The following EHD1 variants were observed in gnomAD, a reference collection of about 807,000 sequenced individuals.
EHD1 encodes EH domain-containing protein 1.
EHD1 carries 19 observed loss-of-function variants against 39.0 expected under a neutral mutation model. The ratio of observed to expected loss-of-function variants is 0.49; its 90% CI spans 0.34 to 0.72. EHD1 has a LOEUF of 0.72. EHD1 is among the 30% of genes least tolerant of loss of function. The pLI is 0.01. For missense variants in EHD1, 542 were observed against 751.5 expected, an observed-to-expected ratio of 0.72 and a Z score of 3.26; for synonymous variants, 323 against 331.2, an observed-to-expected ratio of 0.98 and a Z score of 0.27.
At chr11:64,855,044 C>T in intron 4 of EHD1, 187 bp from the exon 5 acceptor site, 1 of 868,730 alleles carries the variant, frequency 1.2e-6, no homozygotes, top group Admixed American at 2.8e-5. Context: ...CAGCTCTTTC[C>T]TTGCAGGGCT....
chr11:64,859,711 T>TAGAGGGAGGCCGGGTAG, intron 3 of EHD1: 2 of 663,958 alleles, frequency 3.0e-6, no homozygotes, highest in South Asian at 4.4e-5. Context: ...AGAACAGGTT[T>TAGAGGGAGGCCGGGTAG]AGAGGGAGGC....
chr11:64,878,533 C>T lies in EHD1; in HGVS notation c.-69G>A, dbSNP rs767737526. ...TGAGAGCGGGGCGAGGGTGCGGAGC[C>T]GAGGCGGGGCCGGCCGGGGCAGGGA... On this transcript the variant is annotated 5_prime_UTR_variant, in exon 1 of 5. Transcript: ENST00000320631. 2 of 1,497,432 alleles carry T rather than the reference C, an allele frequency of 1.3e-6. No homozygotes were observed. Among genetic ancestry groups the T allele is most frequent in the Non-Finnish European group, 8.9e-7 (1 of 1,127,764 alleles). The allele number at this position is 1,497,432 out of a possible 1,614,324, so 92.8% of individuals were successfully genotyped here. A position where few individuals can be genotyped will look rare whatever the true frequency, so the allele number is the denominator to read the frequency against.
At chr11:64,854,974 G>C in intron 4 of EHD1, 117 bp from the exon 5 acceptor site, 3 of 1,329,260 alleles carry the variant, frequency 2.3e-6, no homozygotes, top group Non-Finnish European at 3.1e-6. Context: ...ACACTAGCAG[G>C]GGCGACTCGG....
chr11:64,878,707 GGGGGCGGTAGGGAGGAGCCCCTCCC>G, upstream of EHD1: 1 of 1,348,958 alleles, frequency 7.4e-7, no homozygotes, highest in Non-Finnish European at 9.5e-7. Flanking sequence ...GGGCGGAATT[GGGGGCGGTAGGGAGGAGCCCCTCCC>G]AGCCCCGCCC....
At chr11:64,864,833 C>T (rs949929146) in intron 2 of EHD1, among the ~76,000 whole-genome samples, 1 of 152,136 alleles carries the variant, frequency 6.6e-6, no homozygotes, top group Non-Finnish European at 1.5e-5. Context: ...GTCAGGACGG[C>T]GCCTGGGGAG....
Position 64,868,383 on chromosome 11 carries a change from G to A in EHD1, c.502+6038C>T, listed in dbSNP as rs143079153. 3.8e-3 allele frequency among the ~76,000 whole-genome samples: 573 copies of A among 152,188 alleles called. 2 individuals carry two copies. The highest frequency in any genetic ancestry group is 0.013 in the African/African-American group (551 of 41,516). On this transcript the variant is annotated intron_variant, in intron 2 of 4. Transcript: ENST00000320631. This position sits in a 1 kb window ranked among gnomAD's most constrained non-coding sequence, Gnocchi z 4.2. ...GAGCAGCAGCAGCACACGCCCACAC[G>A]AACCACGTACTTGACTCAAAACTGC...
At chr11:64,860,565 T>C (rs1943704784) in intron 2 of EHD1, among the ~76,000 whole-genome samples, 2 of 151,412 alleles carry the variant, frequency 1.3e-5, no homozygotes, top group Non-Finnish European at 2.9e-5. Context: ...AAACCCTGTC[T>C]CCACTAAAAA....
intron 2 of EHD1, among the ~76,000 whole-genome samples, chr11:64,873,112 G>C (rs1008920439): frequency 6.6e-6 from 1 of 152,172 alleles, no homozygotes; most frequent in Non-Finnish European, 1.5e-5. Flanking sequence ...GTGAAAAAGG[G>C]GCAGTGACAG....
At position 64,878,521 on chromosome 11, in the gene EHD1, A is replaced by G; in HGVS notation, c.-57T>C. On this transcript the variant is annotated 5_prime_UTR_variant, in exon 1 of 5. Coordinates refer to ENST00000320631, the MANE Select transcript of EHD1 (RefSeq NM_006795.4). ...CAGAGCGGCGGCTGAGAGCGGGGCG[A>G]GGGTGCGGAGCCGAGGCGGGGCCGG... is the stretch of plus-strand genomic sequence containing the variant. 6.5e-7 allele frequency: 1 copy of G among 1,529,204 alleles called. No homozygotes were observed. Among genetic ancestry groups the G allele is most frequent in the African/African-American group, 1.4e-5 (1 of 73,550 alleles). 94.7% of individuals were successfully genotyped at this position (1,529,204 alleles called of 1,614,324 possible).
chr11:64,864,991 G>A (rs1230669971), intron 2 of EHD1, among the ~76,000 whole-genome samples: 1 of 152,262 alleles, frequency 6.6e-6, no homozygotes, highest in Non-Finnish European at 1.5e-5. Flanking sequence ...AGGTCCAGAA[G>A]CCCTGCCCCA....
intron 2 of EHD1, among the ~76,000 whole-genome samples, chr11:64,864,554 C>A (rs1331141765): frequency 6.6e-6 from 1 of 152,214 alleles, no homozygotes; most frequent in Non-Finnish European, 1.5e-5. Context: ...GCCTGCAGCG[C>A]CTGCCTGGGG....
chr11:64,878,659 G>T (rs943717005), upstream of EHD1: 1 of 1,375,460 alleles, frequency 7.3e-7, no homozygotes, highest in African/African-American at 1.5e-5. Context: ...TATAGGGTCG[G>T]TCCCTCAGTG....
rs1462494316 is a variant in EHD1 at position 64,854,767 on chromosome 11, C to T, written c.1171G>A (p.Ala391Thr). The T allele has an allele frequency of 1.9e-6, 3 of 1,608,888 alleles. No homozygotes were observed. The highest frequency in any genetic ancestry group is 1.1e-5 in the South Asian group (1 of 91,084). ...TGCCGCACCATCACCATCAGCCGCG[C>T]GATGTCGTTGGCCAGCATGTCATCC... ...TVDDMLANDI[A>T]RLMVMVRQEE... Residue 391 changes from alanine (A) to threonine (T), a missense_variant, in exon 5 of 5, where the codon GCG becomes ACG. Transcript: ENST00000320631.
rs200295706 is a variant in EHD1 at position 64,878,225 on chromosome 11, C to A, written c.240G>T (p.Glu80Asp). The change falls in exon 1 of 5, where the codon GAG (glutamate) becomes GAT (aspartate). Residue 80 changes from glutamate (E) to aspartate (D), a missense_variant. Coordinates refer to ENST00000320631, the MANE Select transcript of EHD1 (RefSeq NM_006795.4). ...GKTTFIRHLI[E>D]QDFPGMRIGP... ...CGATGCGCATCCCCGGGAAGTCCTG[C>A]TCGATCAGGTGTCGGATGAAGGTGG... The A allele has an allele frequency of 6.2e-7, 1 of 1,613,524 alleles. No homozygotes were observed. The highest frequency in any genetic ancestry group is 1.3e-5 in the African/African-American group (1 of 75,056).
intron 2 of EHD1, among the ~76,000 whole-genome samples, chr11:64,872,227 G>A (rs542998497): frequency 2.3e-4 from 35 of 152,312 alleles, no homozygotes; most frequent in Non-Finnish European, 4.4e-4. Context: ...TTGAGAGGCC[G>A]AAGCGGGCAG....
chr11:64,878,651 T>G, upstream of EHD1: 1 of 1,390,166 alleles, frequency 7.2e-7, no homozygotes, highest in South Asian at 1.6e-5. Context: ...GCGGCCTTTA[T>G]AGGGTCGGTC....
At chr11:64,870,576 T>C (rs1943817851) in intron 2 of EHD1, among the ~76,000 whole-genome samples, 1 of 152,244 alleles carries the variant, frequency 6.6e-6, no homozygotes, top group African/African-American at 2.4e-5. Context: ...CTGCTGATGC[T>C]GATACAGCTT....
chr11:64,860,686 T>C (rs1424297207), intron 2 of EHD1, among the ~76,000 whole-genome samples: 2 of 142,200 alleles, frequency 1.4e-5, no homozygotes, highest in African/African-American at 5.4e-5. Flanking sequence ...GCCACCGCAC[T>C]CTAGCCTGGG....
At chr11:64,879,307 C>G (rs534258905), upstream of EHD1, among the ~76,000 whole-genome samples, 13 of 152,104 alleles carry the variant, frequency 8.5e-5, no homozygotes, top group African/African-American at 3.1e-4. Flanking sequence ...GGGAGAGGGA[C>G]GCAAGCGAGG....
Sources: gnomAD v4.1 joint callset for allele counts (sites outside exome capture counted in the v4.1 genomes callset) on GRCh38, gnomAD v4.1.1 for gene constraint, Gnocchi (gnomAD v3.1) non-coding constraint, MANE v1.5 for transcripts, NCBI Gene and HGNC (gene_info 2026-07-23, HGNC 2026-07-21) for gene names.